The following TRDN variants were observed in gnomAD, a reference collection of about 807,000 sequenced individuals.
TRDN encodes the protein triadin in skeletal muscle.
A neutral mutation model predicts 149.7 loss-of-function variants in TRDN; 161 were observed. That is an observed-to-expected ratio of 1.08 (90% CI 0.95 to 1.23). The LOEUF (loss-of-function observed/expected upper bound fraction) is 1.23. TRDN is among the 50% of genes most tolerant of loss of function. The probability of loss-of-function intolerance (pLI) is 0.00; values close to 1 mark genes in which losing one functional copy is unlikely to be tolerated. For missense variants in TRDN, 896 were observed against 823.5 expected, an observed-to-expected ratio of 1.09 and a Z score of -1.08; for synonymous variants, 294 against 250.5, an observed-to-expected ratio of 1.17 and a Z score of -1.64.
chr6:123,275,874 C>T (rs758685103), intron 26 of TRDN, among the ~76,000 whole-genome samples: 4 of 152,104 alleles, frequency 2.6e-5, no homozygotes, highest in Non-Finnish European at 5.9e-5. Context: ...ATATCACAGA[C>T]TGGGTAATTT....
intron 21 of TRDN, chr6:123,350,714 T>A: frequency 2.4e-6 from 2 of 844,260 alleles, no homozygotes; most frequent in Non-Finnish European, 2.9e-6. Flanking sequence ...TTCCTATGAT[T>A]GTTATGATTG....
chr6:123,338,437 A>G (rs1347363152), intron 21 of TRDN, among the ~76,000 whole-genome samples: 1 of 152,152 alleles, frequency 6.6e-6, no homozygotes, highest in Non-Finnish European at 1.5e-5. Context: ...TAATCTAGTG[A>G]CACCTGCTTT....
intron 12 of TRDN, among the ~76,000 whole-genome samples, chr6:123,414,625 G>A (rs926544649): frequency 3.3e-5 from 5 of 152,050 alleles, no homozygotes; most frequent in African/African-American, 1.2e-4. Flanking sequence ...GAACTTGGAA[G>A]CAGGAAAATG....
At chr6:123,627,535 C>A (rs568594958) in intron 1 of TRDN, among the ~76,000 whole-genome samples, 1 of 152,172 alleles carries the variant, frequency 6.6e-6, no homozygotes, top group East Asian at 1.9e-4. Context: ...TATTGTAATT[C>A]TTTAGAGCCC....
chr6:123,322,736 A>G (rs1487632258), intron 23 of TRDN, among the ~76,000 whole-genome samples: 1 of 151,254 alleles, frequency 6.6e-6, no homozygotes, highest in Non-Finnish European at 1.5e-5. Flanking sequence ...CACCTCCTGG[A>G]TTCATGCCAT....
At chr6:123,351,269 C>T (rs972178991) in intron 21 of TRDN, 3 of 963,972 alleles carry the variant, frequency 3.1e-6, no homozygotes, top group Admixed American at 1.2e-4. Context: ...TTTTCATATC[C>T]TTTCACATAT....
At chr6:123,544,246 T>TACACACACACAC (rs71021453) in intron 4 of TRDN, among the ~76,000 whole-genome samples, 2 of 144,232 alleles carry the variant, frequency 1.4e-5, no homozygotes, top group East Asian at 4.3e-4. Context: ...CATCTGTACA[T>TACACACACACAC]ACACACACAC....
Position 123,273,319 on chromosome 6 carries a change from G to T in TRDN, c.1624+18C>A. On this transcript the variant is annotated intron_variant, in intron 28 of 40. Coordinates refer to ENST00000334268, the MANE Select transcript of TRDN (RefSeq NM_006073.4). ...TTCGTAAGAAAGTCTAAGCATAAAA[G>T]ATAAAATTAATACATACTGTGTATT... 9.3e-7 allele frequency: 1 copy of T among 1,080,832 alleles called. No individual in the cohort carries two copies. The highest frequency in any genetic ancestry group is 1.7e-5 in the South Asian group (1 of 59,660). The allele number at this position is 1,080,832 out of a possible 1,614,324, so 67.0% of individuals were successfully genotyped here. A position where few individuals can be genotyped will look rare whatever the true frequency, so the allele number is the denominator to read the frequency against.
At chr6:123,291,696 T>C (rs1778018852) in intron 24 of TRDN, among the ~76,000 whole-genome samples, 1 of 152,210 alleles carries the variant, frequency 6.6e-6, no homozygotes, top group Non-Finnish European at 1.5e-5. Flanking sequence ...AAAAACTTGC[T>C]ATGATTAAAG....
chr6:123,218,628 A>G lies in TRDN; in HGVS notation c.2163T>C (p.Ser721=). The G allele has an allele frequency of 6.2e-7, 1 of 1,611,788 alleles. No individual in the cohort carries two copies. The highest frequency in any genetic ancestry group is 2.2e-5 in the East Asian group (1 of 44,808). The part of the protein sequence containing the change: ...RPGESSGQAN[S]PGQKQQGQ ...ACTGTCCTTGTTGCTTCTGTCCTGG[A>G]GAATTTGCTTGACCAGAGCTCTCTC... Residue 721 remains serine, a synonymous_variant, in exon 41 of 41, where the codon TCT becomes TCC. Coordinates refer to ENST00000334268, the MANE Select transcript of TRDN (RefSeq NM_006073.4).
At chr6:123,408,511 C>T (rs886740737) in intron 12 of TRDN, among the ~76,000 whole-genome samples, 55 of 151,888 alleles carry the variant, frequency 3.6e-4, no homozygotes, top group African/African-American at 1.3e-3. Flanking sequence ...AACCCTGTCT[C>T]TACTAAAAAT....
chr6:123,463,595 C>T (rs1409400405), intron 10 of TRDN, among the ~76,000 whole-genome samples: 1 of 151,834 alleles, frequency 6.6e-6, no homozygotes, highest in Non-Finnish European at 1.5e-5. Flanking sequence ...CTGGAAACAA[C>T]AACAGAATTA....
intron 38 of TRDN, among the ~76,000 whole-genome samples, chr6:123,242,289 TTAA>T (rs1019072770): frequency 6.6e-6 from 1 of 152,166 alleles, no homozygotes; most frequent in African/African-American, 2.4e-5. Flanking sequence ...ATTTAAAATG[TTAA>T]TATCAGGAAT....
At chr6:123,630,582 T>A (rs1785936673) in intron 1 of TRDN, among the ~76,000 whole-genome samples, 1 of 146,760 alleles carries the variant, frequency 6.8e-6, no homozygotes, top group Admixed American at 6.6e-5. Flanking sequence ...GTCATAATGA[T>A]AACCAAAAAT....
chr6:123,360,810 AG>A (rs1164883830), intron 20 of TRDN, among the ~76,000 whole-genome samples: 3 of 152,168 alleles, frequency 2.0e-5, no homozygotes, highest in Non-Finnish European at 4.4e-5. Flanking sequence ...AACATTTCCA[AG>A]ATGAGGAACA....
chr6:123,304,415 G>T (rs1249448359), intron 24 of TRDN, among the ~76,000 whole-genome samples: 1 of 151,680 alleles, frequency 6.6e-6, no homozygotes, highest in Non-Finnish European at 1.5e-5. Flanking sequence ...ATCATGCCCG[G>T]CTAATTTTTT....
rs558658008 is a variant in TRDN, at chr6:123,344,461, C to G, written c.1370-6792G>C. ...TCTCTCCTCCCCAAACCCTAGTAAC[C>G]ACTGAGTTTTTAACTTTCTCCATAC... On this transcript the variant is annotated intron_variant, in intron 21 of 40. Coordinates refer to ENST00000334268, the MANE Select transcript of TRDN (RefSeq NM_006073.4). 3.9e-5 allele frequency among the ~76,000 whole-genome samples: 6 copies of G among 152,084 alleles called. No homozygotes were observed. In the East Asian group the frequency reaches 1.2e-3, roughly 29 times the overall value.
At chr6:123,329,100 G>C (rs1172568845) in intron 23 of TRDN, among the ~76,000 whole-genome samples, 2 of 152,078 alleles carry the variant, frequency 1.3e-5, no homozygotes, top group South Asian at 4.1e-4. Context: ...GAGTTAAAAA[G>C]CCAGAGTCCT....
intron 4 of TRDN, among the ~76,000 whole-genome samples, chr6:123,546,796 A>G (rs1472244078): frequency 6.6e-6 from 1 of 152,028 alleles, no homozygotes; most frequent in Non-Finnish European, 1.5e-5. Context: ...ATTCCTCTAC[A>G]GCACATCCAG....
Sources: allele counts gnomAD v4.1 joint callset (sites outside exome capture counted in the v4.1 genomes callset), GRCh38; gene constraint gnomAD v4.1.1; transcripts MANE v1.5; gene names NCBI Gene and HGNC (gene_info 2026-07-23, HGNC 2026-07-21).